The following CAPRIN2 variants were observed in gnomAD, a reference collection of about 807,000 sequenced individuals.
The protein encoded by CAPRIN2 is caprin family member 2.
A neutral mutation model predicts 130.4 loss-of-function variants in CAPRIN2; 66 were observed. The ratio of observed to expected loss-of-function variants is 0.51; its 90% CI spans 0.42 to 0.62. CAPRIN2 has a LOEUF of 0.62. Among genes scored for constraint, CAPRIN2 ranks in the 20% least tolerant of loss-of-function variants. The probability of loss-of-function intolerance (pLI) is 0.00; values close to 1 mark genes in which losing one functional copy is unlikely to be tolerated. For missense variants in CAPRIN2, 1,185 were observed against 1,246.6 expected, an observed-to-expected ratio of 0.95 and a Z score of 0.74; for synonymous variants, 471 against 444.1, an observed-to-expected ratio of 1.06 and a Z score of -0.76.
Position 30,709,685 on chromosome 12 carries a change from G to T in CAPRIN2, c.*217C>A. ...ACAATATACATTCACAGCTTGACTA[G>T]CGAGGCTACATCACAATTTATAAAG... On this transcript the variant is annotated 3_prime_UTR_variant, in exon 17 of 17. Coordinates refer to ENST00000298892, the Ensembl canonical transcript of CAPRIN2. 7 of 507,980 alleles carry T rather than the reference G, an allele frequency of 1.4e-5. No homozygotes were observed. The South Asian group carries it at 1.5e-4, about 11-fold the overall frequency. The allele number at this position is 507,980 out of a possible 1,614,324, so 31.5% of individuals were successfully genotyped here. A position where few individuals can be genotyped will look rare whatever the true frequency, so the allele number is the denominator to read the frequency against.
At chr12:30,723,363 ACG>A (rs3835092) in intron 10 of CAPRIN2, 49 bp from the exon 12 acceptor site, 14,074 of 1,289,526 alleles carry the variant, frequency 0.011, 306 homozygotes, top group East Asian at 0.1. Flanking sequence ...ACAAAAGCTT[ACG>A]CATATCAACT....
intron 7 of CAPRIN2, 39 bp from the exon 9 acceptor site, chr12:30,729,364 T>G: frequency 7.0e-7 from 1 of 1,428,254 alleles, no homozygotes; most frequent in South Asian, 1.4e-5. Flanking sequence ...ACAAAATTCA[T>G]AGAAGACCTT....
At chr12:30,709,831 G>A in exon 17 of CAPRIN2, 1 of 1,499,044 alleles carries the variant, frequency 6.7e-7, no homozygotes, top group Non-Finnish European at 9.0e-7. Context: ...AGTCATGAGG[G>A]CAAAGACTAC....
intron 12 of CAPRIN2, among the ~76,000 whole-genome samples, chr12:30,718,749 A>C (rs2058451672): frequency 6.6e-6 from 1 of 152,222 alleles, no homozygotes; most frequent in South Asian, 2.1e-4. Context: ...AGATATTAGT[A>C]ATGGTTAGTA....
intron 8 of CAPRIN2, 54 bp downstream of exon 9, chr12:30,728,594 G>A (rs1024679838): frequency 5.4e-5 from 71 of 1,323,082 alleles, no homozygotes; most frequent in Non-Finnish European, 6.3e-5. Context: ...TCATTACCAC[G>A]ACACCTTATT....
At chr12:30,744,369 T>C (rs536798875) in intron 2 of CAPRIN2, among the ~76,000 whole-genome samples, 1 of 152,198 alleles carries the variant, frequency 6.6e-6, no homozygotes, top group Non-Finnish European at 1.5e-5. Flanking sequence ...CCATTTCTGA[T>C]GCCTTTGGGA....
At chr12:30,754,431 G>C (rs1228704713) in exon 1 of CAPRIN2, 2 of 152,618 alleles carry the variant, frequency 1.3e-5, no homozygotes. Flanking sequence ...ATGCACGCCA[G>C]CGCGCACCCC....
chr12:30,739,258 A>G (rs77479852), intron 3 of CAPRIN2, among the ~76,000 whole-genome samples: 4 of 152,346 alleles, frequency 2.6e-5, no homozygotes, highest in Admixed American at 2.6e-4. Flanking sequence ...TTGCAGGAAC[A>G]TGGATGGAGT....
At chr12:30,715,075 G>C in exon 14 of CAPRIN2, 1 of 1,613,806 alleles carries the variant, frequency 6.2e-7, no homozygotes, top group African/African-American at 1.3e-5. Context: ...AAACACATTC[G>C]TCTGTGCTGG....
chr12:30,743,819 T>G (rs1335044103), intron 2 of CAPRIN2, among the ~76,000 whole-genome samples: 1 of 152,218 alleles, frequency 6.6e-6, no homozygotes, highest in Admixed American at 6.5e-5. Context: ...GGCTTCTCTA[T>G]TCTGCCTTCT....
chr12:30,728,652 T>C (rs766958008), exon 8 of CAPRIN2: 1 of 1,603,424 alleles, frequency 6.2e-7, no homozygotes, highest in Non-Finnish European at 8.5e-7. Context: ...ACTCACATCT[T>C]TGGGTTCTGT....
chr12:30,725,928 C>G, intron 9 of CAPRIN2, 38 bp downstream of exon 10: 1 of 1,474,940 alleles, frequency 6.8e-7, no homozygotes, highest in Non-Finnish European at 9.1e-7. Flanking sequence ...GTCAGAAGCC[C>G]CATGAATATC....
intron 3 of CAPRIN2, among the ~76,000 whole-genome samples, chr12:30,739,856 T>G (rs1489158171): frequency 6.6e-6 from 1 of 152,168 alleles, no homozygotes; most frequent in Non-Finnish European, 1.5e-5. Context: ...AGGTAGGCAT[T>G]TTTTACACGT....
Position 30,711,553 on chromosome 12 carries a change from T to C in CAPRIN2, c.2665+13A>G, listed in dbSNP as rs1591885096. On this transcript the variant is annotated intron_variant, in intron 16 of 16. Transcript: ENST00000298892. ...GTGCTGGGTAAGAAAACTATTCAGC[T>C]AATTACCCTTACCTCTCGAATTTGC... is the stretch of plus-strand genomic sequence containing the variant. 5 of 1,605,032 alleles carry C rather than the reference T, an allele frequency of 3.1e-6. No homozygotes were observed. Among genetic ancestry groups the C allele is most frequent in the Non-Finnish European group, 4.3e-6 (5 of 1,171,688 alleles).
rs545978462 is a variant in CAPRIN2 at position 30,719,082 on chromosome 12, C to A, written c.2148+1729G>T. 45 of 1,613,202 alleles carry A rather than the reference C, an allele frequency of 2.8e-5. No homozygotes were observed. The highest frequency in any genetic ancestry group is 1.6e-4 in the Middle Eastern group (1 of 6,076). On this transcript the variant is annotated intron_variant, in intron 12 of 16. Coordinates refer to ENST00000298892, the Ensembl canonical transcript of CAPRIN2. ...ATCATTCATGTTTCATACTCACTGT[C>A]TGCATGGCTTGAAAGGGTGCTGTGT...
At chr12:30,731,681 T>C (rs142181938) in intron 5 of CAPRIN2, among the ~76,000 whole-genome samples, 171 bp from the exon 7 acceptor site, 14 of 152,266 alleles carry the variant, frequency 9.2e-5, no homozygotes, top group Non-Finnish European at 2.1e-4. Flanking sequence ...TGGTACTGAC[T>C]GGAGAACTTG....
At chr12:30,728,858 G>A (rs775945745) in exon 8 of CAPRIN2, 1 of 1,613,984 alleles carries the variant, frequency 6.2e-7, no homozygotes, top group African/African-American at 1.3e-5. Context: ...ACTTGGTGGT[G>A]TTCTGTTCGC....
At chr12:30,720,551 A>G (rs911136703) in intron 12 of CAPRIN2, 12 of 288,818 alleles carry the variant, frequency 4.2e-5, no homozygotes, top group African/African-American at 2.4e-4. Flanking sequence ...ACTTAATGCT[A>G]CCTACACTTT....
chr12:30,715,692 A>AT (rs2057319756), intron 13 of CAPRIN2: 1 of 213,522 alleles, frequency 4.7e-6, no homozygotes, highest in African/African-American at 2.4e-5. Context: ...CTTTACGACA[A>AT]TTTTTAAAAA....
Sources: gnomAD v4.1 joint callset for allele counts (sites outside exome capture counted in the v4.1 genomes callset) on GRCh38, gnomAD v4.1.1 for gene constraint, MANE v1.5 for transcripts, NCBI Gene and HGNC (gene_info 2026-07-23, HGNC 2026-07-21) for gene names.